The following PYGM variants were observed in gnomAD, a reference collection of about 807,000 sequenced individuals.
PYGM encodes the protein glycogen phosphorylase, muscle associated.
Under a neutral mutation model 99.3 loss-of-function variants are expected in PYGM, and 81 were observed. The ratio of observed to expected loss-of-function variants is 0.82; its 90% CI spans 0.68 to 0.98. The LOEUF (loss-of-function observed/expected upper bound fraction) is 0.98, where lower values mean the gene tolerates loss of function less well. PYGM is among the 50% of genes least tolerant of loss of function. The probability of loss-of-function intolerance (pLI) is 0.00; values close to 1 mark genes in which losing one functional copy is unlikely to be tolerated. For synonymous variants in PYGM, 436 were observed against 451.5 expected, an observed-to-expected ratio of 0.97 and a Z score of 0.44; for missense variants, 1,030 against 1,158.1, an observed-to-expected ratio of 0.89 and a Z score of 1.61.
intron 14 of PYGM, 33 bp from the exon 15 acceptor site, chr11:64,751,688 A>T (rs1038560530): frequency 6.2e-7 from 1 of 1,612,290 alleles, no homozygotes; most frequent in African/African-American, 1.3e-5. Flanking sequence ...CAGTGGGCCT[A>T]CCTTTCCCTC....
rs2058386895 is a variant in PYGM at position 64,755,339 on chromosome 11, G to A, written c.789C>T (p.Tyr263=). ...FNLKDFNVGG[Y]IQAVLDRNLA... ...GGTTTCGGTCCAACACAGCCTGGAT[G>A]TAGCCACCGACATTGACTGAGGGAC... is the stretch of plus-strand genomic sequence containing the variant. Residue 263 remains tyrosine, a synonymous_variant, in exon 7 of 20, where the codon TAC becomes TAT. Coordinates refer to ENST00000164139, the MANE Select transcript of PYGM (RefSeq NM_005609.4). The surrounding 1 kb of genome is among the most constrained non-coding windows in gnomAD (Gnocchi z 4.1). The A allele has an allele frequency of 6.2e-7, 1 of 1,614,188 alleles. No individual in the cohort carries two copies. Among genetic ancestry groups the A allele is most frequent in the Non-Finnish European group, 8.5e-7 (1 of 1,180,022 alleles).
chr11:64,752,496 C>T lies in PYGM; in HGVS notation c.1527G>A (p.Gly509=). The T allele has an allele frequency of 6.2e-7, 1 of 1,613,970 alleles. No homozygotes were observed. Among genetic ancestry groups the T allele is most frequent in the Non-Finnish European group, 8.5e-7 (1 of 1,179,872 alleles). ...GGTCCAGGTCAGAGATGAAGTCCTC[C>T]CCGATGCGCTATGGGAAGACGGCTC... The part of the protein sequence containing the change: ...GLAEVIAERI[G]EDFISDLDQL... Residue 509 remains glycine (G), a synonymous_variant, in exon 13 of 20, where the codon GGG becomes GGA. Transcript: ENST00000164139.
chr11:64,756,689 G>A (rs1023110455), intron 5 of PYGM, among the ~76,000 whole-genome samples: 3 of 152,176 alleles, frequency 2.0e-5, no homozygotes, highest in African/African-American at 7.2e-5. Flanking sequence ...CTGACCTCAG[G>A]TGATCCACCT....
chr11:64,746,890 C>T (rs773734161), intron 19 of PYGM, 31 bp downstream of exon 19: 3 of 1,614,194 alleles, frequency 1.9e-6, no homozygotes, highest in Middle Eastern at 1.6e-4. Context: ...GCCACCAAAG[C>T]CCTGCCAACC....
intron 1 of PYGM, among the ~76,000 whole-genome samples, chr11:64,759,012 C>CA (rs1565538474): frequency 0.041 from 24 of 588 alleles, no homozygotes; most frequent in South Asian, 0.5. Context: ...CCTGCACACA[C>CA]CCCCAGAGAA....
In PYGM at chr11:64,746,649, G is replaced by C. The variant is rs1172436088; in HGVS notation, c.*10C>G. On this transcript the variant is annotated 3_prime_UTR_variant, in exon 20 of 20. Coordinates refer to ENST00000164139, the MANE Select transcript of PYGM (RefSeq NM_005609.4). ...GACTCAAGGGCTGGTTTGGGGTCTG[G>C]TCTGGAGGCTCAGATGGCCTCATCC... The C allele has an allele frequency of 2.5e-6, 4 of 1,614,024 alleles. No individual in the cohort carries two copies. The African/African-American group carries it at 5.3e-5, about 22-fold the overall frequency.
At chr11:64,752,216 C>T (rs2058361812) in intron 13 of PYGM, 145 bp from the exon 14 acceptor site, 3 of 1,342,062 alleles carry the variant, frequency 2.2e-6, no homozygotes, top group Non-Finnish European at 3.2e-6. Context: ...GCAGACATTG[C>T]TAATCAATGT....
Position 64,758,300 on chromosome 11 carries a change from G to A in PYGM, c.474C>T (p.Tyr158=), listed in dbSNP as rs766020669. Residue 158 remains tyrosine (Y), a synonymous_variant, in exon 4 of 20, where the codon TAC becomes TAT. Coordinates refer to ENST00000164139, the MANE Select transcript of PYGM (RefSeq NM_005609.4). The part of the protein sequence containing the change: ...MATLGLAAYG[Y]GIRYEFGIFN... ...AAATCCCAAACTCATAGCGAATCCC[G>A]TAGCCATAGGCGGCCAGGCCCAGTG... is the stretch of plus-strand genomic sequence containing the variant. 66 of 1,613,974 alleles carry A rather than the reference G, an allele frequency of 4.1e-5. No individual in the cohort carries two copies. Among genetic ancestry groups the A allele is most frequent in the Non-Finnish European group, 5.0e-5 (59 of 1,180,014 alleles).
In PYGM at chr11:64,755,199, T is replaced by A; in HGVS notation, c.855+74A>T. 6.7e-7 allele frequency: 1 copy of A among 1,498,362 alleles called. No homozygotes were observed. 92.8% of individuals were successfully genotyped at this position (1,498,362 alleles called of 1,614,324 possible). A position where few individuals can be genotyped will look rare whatever the true frequency, so the allele number is the denominator to read the frequency against. ...GGTGTGACTAGGGCACCAGCAAGTG[T>A]CCTTCCCCAGCTCTCCCTGACCCCT... On this transcript the variant is annotated intron_variant, in intron 7 of 19. Transcript: ENST00000164139. This position sits in a 1 kb window ranked among gnomAD's most constrained non-coding sequence, Gnocchi z 4.1.
chr11:64,756,774 G>A (rs1359223870), intron 5 of PYGM, among the ~76,000 whole-genome samples: 1 of 152,034 alleles, frequency 6.6e-6, no homozygotes, highest in African/African-American at 2.4e-5. Context: ...TTGTACACCT[G>A]GTTTGGTTTT....
In PYGM at chr11:64,754,814, C is replaced by T. The variant is rs746412712; in HGVS notation, c.878G>A (p.Arg293Gln). Residue 293 changes from arginine to glutamine, a missense_variant, in exon 8 of 20, where the codon CGG becomes CAG. By Grantham distance (43) the Arg-to-Gln change is conservative. Coordinates refer to ENST00000164139, the MANE Select transcript of PYGM (RefSeq NM_005609.4). The surrounding 1 kb of genome is among the most constrained non-coding windows in gnomAD (Gnocchi z 5.5). ...CACCACGAAATACTCCTGCTTCAGC[C>T]GCAGCTCCTTCCCTTCGAAGAACTG... The part of the protein sequence containing the change: ...NDNFFEGKEL[R>Q]LKQEYFVVAA... The T allele has an allele frequency of 9.9e-6, 16 of 1,613,840 alleles. No homozygotes were observed. Among genetic ancestry groups the T allele is most frequent in the South Asian group, 8.8e-5 (8 of 91,068 alleles).
In PYGM at chr11:64,746,556, T is replaced by C. The variant is rs535704546; in HGVS notation, c.*103A>G. 1.3e-6 allele frequency: 2 copies of C among 1,488,538 alleles called. No homozygotes were observed. The highest frequency in any genetic ancestry group is 2.3e-5 in the South Asian group (2 of 88,566). The allele number at this position is 1,488,538 out of a possible 1,614,324, so 92.2% of individuals were successfully genotyped here. ...GGAAAATGAGGGTTCCAGGAGGGGC[T>C]TAGAGATCTAACTCCAGTACCCCAC... On this transcript the variant is annotated 3_prime_UTR_variant, in exon 20 of 20. Coordinates refer to ENST00000164139, the MANE Select transcript of PYGM (RefSeq NM_005609.4).
chr11:64,754,286 G>A lies in PYGM; in HGVS notation c.1059C>T (p.Ile353=), dbSNP rs766772774. The change falls in exon 9 of 20, where the codon ATC becomes ATT. Residue 353 remains isoleucine (I), a synonymous_variant. Coordinates refer to ENST00000164139, the MANE Select transcript of PYGM (RefSeq NM_005609.4). The surrounding 1 kb of genome is among the most constrained non-coding windows in gnomAD (Gnocchi z 5.5). ...AGTCCATCCGTTCCAGGTCCACCAGGATCCTCATCAGCTCGGGGATGGCCA... is the reference window on the plus strand; with the variant it reads ...AGTCCATCCGTTCCAGGTCCACCAGAATCCTCATCAGCTCGGGGATGGCCA... ...PSLAIPELMR[I]LVDLERMDWD... The A allele has an allele frequency of 6.2e-7, 1 of 1,613,744 alleles. No homozygotes were observed. Among genetic ancestry groups the A allele is most frequent in the South Asian group, 1.1e-5 (1 of 91,076 alleles).
At chr11:64,757,692 A>T in intron 5 of PYGM, 87 bp downstream of exon 5, 1 of 1,583,300 alleles carries the variant, frequency 6.3e-7, no homozygotes, top group Non-Finnish European at 8.6e-7. Context: ...CTCAGGTGTA[A>T]AATACACTGG....
chr11:64,749,788 C>T (rs1204320746), intron 17 of PYGM, among the ~76,000 whole-genome samples: 3 of 137,496 alleles, frequency 2.2e-5, no homozygotes, highest in Non-Finnish European at 3.1e-5. Context: ...TTTCAGGGAG[C>T]AAGGATTTTT....
chr11:64,751,735 C>A, intron 14 of PYGM, 80 bp from the exon 15 acceptor site: 2 of 1,569,506 alleles, frequency 1.3e-6, no homozygotes, highest in African/African-American at 2.7e-5. Flanking sequence ...GGCTGGGACA[C>A]CGTAGGCCTG....
intron 13 of PYGM, 34 bp from the exon 14 acceptor site, chr11:64,752,105 GGCCACA>G: frequency 6.2e-7 from 1 of 1,613,886 alleles, no homozygotes; most frequent in Non-Finnish European, 8.5e-7. Flanking sequence ...CTCACCAACA[GGCCACA>G]GCCTCAGGAA....
In PYGM at chr11:64,747,249, C is replaced by G; in HGVS notation, c.2287G>C (p.Val763Leu). Residue 763 changes from valine to leucine, a missense_variant, in exon 18 of 20, where the codon GTC (valine) becomes CTC (leucine). Val to Leu is a conservative substitution (Grantham distance 32). Transcript: ENST00000164139. ...CGGTCATGGTGCATGAGCATATTGA[C>G]AATGTCCTTGAACAGGTCGGGCTGT... ...PKQPDLFKDI[V>L]NMLMHHDRFK... 6.2e-7 allele frequency: 1 copy of G among 1,614,162 alleles called. No homozygotes were observed. The highest frequency in any genetic ancestry group is 8.5e-7 in the Non-Finnish European group (1 of 1,179,982).
chr11:64,757,634 G>A (rs1307500156), intron 5 of PYGM, 145 bp downstream of exon 5: 1 of 1,267,036 alleles, frequency 7.9e-7, no homozygotes, highest in Non-Finnish European at 1.1e-6. Flanking sequence ...CCTGGCTTCA[G>A]CTGTGTGACT....
Sources: allele counts gnomAD v4.1 joint callset (sites outside exome capture counted in the v4.1 genomes callset), GRCh38; gene constraint gnomAD v4.1.1; non-coding constraint Gnocchi (gnomAD v3.1); transcripts MANE v1.5; gene names NCBI Gene and HGNC (gene_info 2026-07-23, HGNC 2026-07-21).